The following ERC2 variants were observed in gnomAD, a reference collection of about 807,000 sequenced individuals.
ERC2 encodes ERC protein 2.
In ERC2, 42 loss-of-function variants were observed where a neutral mutation model predicts 114.8. The observed-to-expected ratio is 0.37, with a 90% CI of 0.29 to 0.47. ERC2 has a LOEUF of 0.47. Ranked by LOEUF, ERC2 falls within the 20% of genes least tolerant of loss-of-function variation. The probability of loss-of-function intolerance (pLI) is 0.99; values close to 1 mark genes in which losing one functional copy is unlikely to be tolerated. For missense variants in ERC2, 939 were observed against 1,150.7 expected (o/e 0.82, Z 2.66); for synonymous variants, 454 against 425.5 (o/e 1.07, Z -0.82).
intron 17 of ERC2, among the ~76,000 whole-genome samples, chr3:55,612,387 C>CT (rs2058943724): frequency 6.6e-6 from 1 of 152,194 alleles, no homozygotes; most frequent in Non-Finnish European, 1.5e-5. Flanking sequence ...CAACTGAAGA[C>CT]TTCCCAAAAC....
chr3:55,902,283 G>A (rs529835031), intron 13 of ERC2, among the ~76,000 whole-genome samples: 12 of 152,198 alleles, frequency 7.9e-5, no homozygotes, highest in Admixed American at 5.9e-4. Context: ...ACATTTTATA[G>A]GGGCTTTATG....
At chr3:56,288,927 T>C (rs1277294623) in intron 3 of ERC2, among the ~76,000 whole-genome samples, 2 of 152,158 alleles carry the variant, frequency 1.3e-5, no homozygotes, top group Non-Finnish European at 2.9e-5. Flanking sequence ...TAGGAGTAAA[T>C]GAAAAGGCAT....
chr3:56,018,987 C>T lies in ERC2; in HGVS notation c.1686G>A (p.Leu562=), dbSNP rs1486044347. The change falls in exon 8 of 18, where the codon CTG becomes CTA. Residue 562 remains leucine, a synonymous_variant. Coordinates refer to ENST00000288221, the MANE Select transcript of ERC2 (RefSeq NM_015576.3). The stretch of plus-strand genomic sequence containing the variant: ...ACTTCACTCTGTCTTTCAGGTTGGT[C>T]AGTTGCTTGTCTTTATCCCTAAGTT... ...QEQLRDKDKQ[L]TNLKDRVKSL... 6.2e-7 allele frequency: 1 copy of T among 1,612,960 alleles called. No individual in the cohort carries two copies. Among genetic ancestry groups the T allele is most frequent in the Non-Finnish European group, 8.5e-7 (1 of 1,179,414 alleles).
At chr3:55,658,321 A>C (rs529384046) in intron 17 of ERC2, 1 of 152,256 alleles carries the variant, frequency 6.6e-6, no homozygotes, top group South Asian at 2.1e-4. Context: ...TAGAGTAAAC[A>C]GTTCTTTTTC....
At chr3:55,943,348 AAATAG>A (rs1353925942) in intron 13 of ERC2, among the ~76,000 whole-genome samples, 1 of 152,194 alleles carries the variant, frequency 6.6e-6, no homozygotes, top group Non-Finnish European at 1.5e-5. Context: ...TTATGGAGTA[AAATAG>A]AATAGAAGAA....
At chr3:55,836,134 C>T (rs534410007) in intron 14 of ERC2, among the ~76,000 whole-genome samples, 43 of 151,752 alleles carry the variant, frequency 2.8e-4, no homozygotes, top group Non-Finnish European at 5.7e-4. Context: ...ACATTCCATG[C>T]TCCTGGGTAG....
At chr3:55,607,621 T>TC (rs1183079819) in intron 17 of ERC2, among the ~76,000 whole-genome samples, 1 of 150,614 alleles carries the variant, frequency 6.6e-6, no homozygotes, top group Non-Finnish European at 1.5e-5. Flanking sequence ...TGTGTTTTTT[T>TC]TTTTTTTTTC....
intron 6 of ERC2, among the ~76,000 whole-genome samples, chr3:56,111,067 C>T (rs138929780): frequency 2.0e-5 from 3 of 152,198 alleles, no homozygotes; most frequent in Non-Finnish European, 4.4e-5. Context: ...CAATTGAGGG[C>T]ACATGACCTC....
At chr3:55,927,149 G>A (rs1307013424) in intron 13 of ERC2, among the ~76,000 whole-genome samples, 1 of 152,096 alleles carries the variant, frequency 6.6e-6, no homozygotes, top group Non-Finnish European at 1.5e-5. Context: ...CCATCTGAAG[G>A]TCCACATTCC....
intron 14 of ERC2, among the ~76,000 whole-genome samples, chr3:55,745,747 C>G (rs1237234008): frequency 6.6e-6 from 1 of 152,192 alleles, no homozygotes; most frequent in Non-Finnish European, 1.5e-5. Context: ...CATGGGTGAT[C>G]AGTTACTGTC....
chr3:55,980,747 GAA>G (rs111743935), intron 12 of ERC2, among the ~76,000 whole-genome samples: 7 of 144,034 alleles, frequency 4.9e-5, no homozygotes, highest in African/African-American at 1.8e-4. Context: ...AAAGGTTTTA[GAA>G]AAAAAAAAAA....
intron 17 of ERC2, among the ~76,000 whole-genome samples, chr3:55,627,898 T>C (rs1575827537): frequency 6.6e-6 from 1 of 151,040 alleles, no homozygotes; most frequent in African/African-American, 2.4e-5. Context: ...TTTTTTTTTT[T>C]TTTTTTTGAA....
chr3:56,406,812 A>G lies in ERC2; in HGVS notation c.657+27539T>C, dbSNP rs563510304. ...GCAAAAACTCTTAATTTTGTTATAC[A>G]GACCAAGAGAAAAGTTAGATTAATT... On this transcript the variant is annotated intron_variant, in intron 2 of 17. Coordinates refer to ENST00000288221, the MANE Select transcript of ERC2 (RefSeq NM_015576.3). 4.6e-5 allele frequency among the ~76,000 whole-genome samples: 7 copies of G among 152,374 alleles called. No homozygotes were observed. The East Asian group carries it at 1.3e-3, about 29-fold the overall frequency.
At chr3:56,092,857 T>C (rs2077867308) in intron 6 of ERC2, among the ~76,000 whole-genome samples, 1 of 152,226 alleles carries the variant, frequency 6.6e-6, no homozygotes, top group African/African-American at 2.4e-5. Context: ...GCACATTAAA[T>C]GTAAGCACGA....
chr3:56,083,894 G>T (rs905750301), intron 6 of ERC2, among the ~76,000 whole-genome samples: 20 of 151,822 alleles, frequency 1.3e-4, no homozygotes, highest in African/African-American at 4.8e-4. Context: ...GAGTTAAAAG[G>T]GTTTGTCTTA....
intron 2 of ERC2, among the ~76,000 whole-genome samples, chr3:56,321,681 A>G (rs2057134309): frequency 6.6e-6 from 1 of 152,238 alleles, no homozygotes; most frequent in African/African-American, 2.4e-5. Flanking sequence ...AGTTGAGCCT[A>G]CGTTCTGTTT....
At chr3:55,620,415 T>C (rs1199159531) in intron 17 of ERC2, among the ~76,000 whole-genome samples, 1 of 152,204 alleles carries the variant, frequency 6.6e-6, no homozygotes, top group South Asian at 2.1e-4. Flanking sequence ...GCTTCCTCAA[T>C]TACCACAGAA....
At chr3:55,995,082 C>G (rs2071403881) in intron 10 of ERC2, among the ~76,000 whole-genome samples, 1 of 152,132 alleles carries the variant, frequency 6.6e-6, no homozygotes, top group Non-Finnish European at 1.5e-5. Flanking sequence ...CGCCTGTAAA[C>G]CCAGCACTTT....
At chr3:56,241,702 G>T (rs1237572142) in intron 3 of ERC2, among the ~76,000 whole-genome samples, 1 of 151,826 alleles carries the variant, frequency 6.6e-6, no homozygotes, top group African/African-American at 2.4e-5. Context: ...TACTACTTTG[G>T]ACCACCTTTC....
Sources: gnomAD v4.1 joint callset for allele counts (sites outside exome capture counted in the v4.1 genomes callset) on GRCh38, gnomAD v4.1.1 for gene constraint, MANE v1.5 for transcripts, NCBI Gene and HGNC (gene_info 2026-07-23, HGNC 2026-07-21) for gene names.